Variants in TCF20 observed in about 807,000 individuals in gnomAD.
TCF20 encodes the protein transcription factor 20.
Under a neutral mutation model 148.6 loss-of-function variants are expected in TCF20, and 3 were observed. The ratio of observed to expected loss-of-function variants is 0.02; its 90% CI spans 0.01 to 0.05. TCF20 has a LOEUF of 0.05. Among genes scored for constraint, TCF20 ranks in the 10% least tolerant of loss-of-function variants. TCF20 has a pLI of 1.00. For missense variants in TCF20, 2,350 were observed against 2,429.3 expected, an observed-to-expected ratio of 0.97 and a Z score of 0.69; for synonymous variants, 1,049 against 909.5, an observed-to-expected ratio of 1.15 and a Z score of -2.76.
upstream of TCF20, among the ~76,000 whole-genome samples, chr22:42,273,215 C>T (rs1926685941): frequency 6.6e-6 from 1 of 151,772 alleles, no homozygotes; most frequent in African/African-American, 2.4e-5. Flanking sequence ...CAAAAATTAG[C>T]TGGGCGTGGT....
At chr22:42,322,239 C>T (rs1005444442) in intron 1 of TCF20, among the ~76,000 whole-genome samples, 1 of 151,910 alleles carries the variant, frequency 6.6e-6, no homozygotes, top group Non-Finnish European at 1.5e-5. Context: ...TAAAGATTTA[C>T]TGAAGGCTTG....
At chr22:42,275,527 GTCTTTAAATCA>G (rs1213616187), upstream of TCF20, among the ~76,000 whole-genome samples, 2 of 152,244 alleles carry the variant, frequency 1.3e-5, no homozygotes, top group African/African-American at 2.4e-5. Flanking sequence ...ACCAGTGTGT[GTCTTTAAATCA>G]TCCAATTTCT....
At chr22:42,206,197 T>TTAA (rs1267981610) in intron 2 of TCF20, among the ~76,000 whole-genome samples, 4 of 152,178 alleles carry the variant, frequency 2.6e-5, no homozygotes, top group African/African-American at 9.7e-5. Context: ...CTGAGATATG[T>TTAA]TAATAATAAA....
intron 4 of TCF20, 103 bp downstream of exon 4, chr22:42,169,744 G>T (rs1292449302): frequency 1.7e-6 from 2 of 1,210,260 alleles, no homozygotes; most frequent in Non-Finnish European, 1.2e-6. Context: ...CACAGGTGGG[G>T]ACAGGTGTGG....
chr22:42,176,514 C>T (rs1022828873), intron 3 of TCF20, among the ~76,000 whole-genome samples: 3 of 152,168 alleles, frequency 2.0e-5, no homozygotes, highest in Admixed American at 1.3e-4. Context: ...AATCAAACCC[C>T]GCCTCCTATG....
chr22:42,189,950 C>T (rs1229024460), intron 2 of TCF20, among the ~76,000 whole-genome samples: 1 of 152,212 alleles, frequency 6.6e-6, no homozygotes, highest in African/African-American at 2.4e-5. Context: ...GAGTTTTTCA[C>T]TGGAGCGGAG....
At chr22:42,200,098 GCT>G (rs1569132576) in intron 2 of TCF20, among the ~76,000 whole-genome samples, 2 of 152,102 alleles carry the variant, frequency 1.3e-5, no homozygotes, top group Non-Finnish European at 2.9e-5. Flanking sequence ...TATTTAAAAT[GCT>G]GTATTAGAAT....
intron 1 of TCF20, among the ~76,000 whole-genome samples, chr22:42,268,664 CAT>C (rs1926423343): frequency 6.6e-6 from 1 of 152,238 alleles, no homozygotes. Flanking sequence ...GACCCAATCA[CAT>C]GTTATCCACA....
At chr22:42,308,410 G>A (rs953547820) in intron 1 of TCF20, among the ~76,000 whole-genome samples, 4 of 152,162 alleles carry the variant, frequency 2.6e-5, no homozygotes, top group Non-Finnish European at 5.9e-5. Flanking sequence ...GCCAGGTAGT[G>A]TTCTCAGCAC....
chr22:42,179,223 C>CGG (rs1936628174), intron 3 of TCF20, among the ~76,000 whole-genome samples: 1 of 151,750 alleles, frequency 6.6e-6, no homozygotes, highest in Admixed American at 6.6e-5. Flanking sequence ...CCCAGGTACA[C>CGG]ATCCAAGAGA....
intron 2 of TCF20, among the ~76,000 whole-genome samples, chr22:42,208,640 T>C (rs903044402): frequency 3.3e-5 from 5 of 151,340 alleles, no homozygotes; most frequent in African/African-American, 4.9e-5. Flanking sequence ...ACAAAAAAGA[T>C]TAGATGATAA....
At chr22:42,238,878 G>A (rs1185733520) in intron 1 of TCF20, among the ~76,000 whole-genome samples, 1 of 152,120 alleles carries the variant, frequency 6.6e-6, no homozygotes, top group African/African-American at 2.4e-5. Flanking sequence ...AGCACTTTGG[G>A]AGGCCGAGGT....
intron 1 of TCF20, among the ~76,000 whole-genome samples, chr22:42,220,443 C>T (rs1357967419): frequency 1.3e-5 from 2 of 152,214 alleles, no homozygotes; most frequent in Non-Finnish European, 2.9e-5. Flanking sequence ...AGCCATCCTG[C>T]TGTTTCAACC....
chr22:42,281,783 G>A (rs1272953404), intron 1 of TCF20, among the ~76,000 whole-genome samples: 1 of 152,212 alleles, frequency 6.6e-6, no homozygotes, highest in Non-Finnish European at 1.5e-5. Flanking sequence ...CCATCCTGGT[G>A]GTCCCACTTC....
At chr22:42,311,539 C>G (rs1329752424) in intron 1 of TCF20, among the ~76,000 whole-genome samples, 2 of 152,206 alleles carry the variant, frequency 1.3e-5, no homozygotes, top group Non-Finnish European at 2.9e-5. Flanking sequence ...CCTTGGTGCC[C>G]TGCAGGGGCC....
intron 1 of TCF20, among the ~76,000 whole-genome samples, chr22:42,310,586 G>C (rs561031430): frequency 6.6e-6 from 1 of 152,202 alleles, no homozygotes; most frequent in South Asian, 2.1e-4. Flanking sequence ...CCCTGAGGAG[G>C]AAAGGAGTAT....
At chr22:42,217,139 C>A (rs1921890078) in intron 1 of TCF20, among the ~76,000 whole-genome samples, 2 of 152,170 alleles carry the variant, frequency 1.3e-5, no homozygotes, top group Non-Finnish European at 2.9e-5. Context: ...GTGGCTCCCA[C>A]CTCATTCTTT....
At position 42,213,443 on chromosome 22, in the gene TCF20, A is replaced by G; in HGVS notation, c.1863T>C (p.Gly621=). 6.2e-7 allele frequency: 1 copy of G among 1,613,946 alleles called. No individual in the cohort carries two copies. The highest frequency in any genetic ancestry group is 8.5e-7 in the Non-Finnish European group (1 of 1,179,980). ...CCTCTTGGGAGCCTTTATCTTGTCC[A>G]CCAGGCTTTTCTACCCGACCTGTCA... The part of the protein sequence containing the change: ...EAMTGRVEKP[G]GQDKGSQEDD... The change falls in exon 2 of 6, where the codon GGT becomes GGC. Residue 621 remains glycine, a synonymous_variant. Transcript: ENST00000677622.
intron 3 of TCF20, among the ~76,000 whole-genome samples, chr22:42,173,059 T>G (rs1229224718): frequency 6.6e-6 from 1 of 152,020 alleles, no homozygotes; most frequent in Non-Finnish European, 1.5e-5. Context: ...GATAGCAGCT[T>G]TAAAATGCTA....
Sources: gnomAD v4.1 joint callset for allele counts (sites outside exome capture counted in the v4.1 genomes callset) on GRCh38, gnomAD v4.1.1 for gene constraint, MANE v1.5 for transcripts, NCBI Gene and HGNC (gene_info 2026-07-23, HGNC 2026-07-21) for gene names.